Variants in AFF3 observed in about 807,000 individuals in gnomAD.
The protein encoded by AFF3 is ALF transcription elongation factor 3.
In AFF3, 32 loss-of-function variants were observed where a neutral mutation model predicts 129.7. The ratio of observed to expected loss-of-function variants is 0.25; its 90% CI spans 0.19 to 0.33. The LOEUF is 0.33. Among genes scored for constraint, AFF3 ranks in the 10% least tolerant of loss-of-function variants. The pLI, the probability that AFF3 is intolerant of heterozygous loss-of-function variation, is 1.00. For missense variants in AFF3, 1,373 were observed against 1,592.0 expected, an observed-to-expected ratio of 0.86 and a Z score of 2.34; for synonymous variants, 644 against 635.4, an observed-to-expected ratio of 1.01 and a Z score of -0.20.
At chr2:99,883,826 T>C (rs939185690) in intron 7 of AFF3, among the ~76,000 whole-genome samples, 2 of 151,932 alleles carry the variant, frequency 1.3e-5, no homozygotes, top group African/African-American at 2.4e-5. Flanking sequence ...ATTATTATTA[T>C]ACATTTCAGG....
chr2:99,642,447 T>A (rs1157981454), intron 13 of AFF3, among the ~76,000 whole-genome samples: 1 of 152,206 alleles, frequency 6.6e-6, no homozygotes, highest in Non-Finnish European at 1.5e-5. Context: ...ATCATCTACC[T>A]GTGATTCCTG....
At chr2:99,843,693 AACTC>A (rs1464035881) in intron 7 of AFF3, among the ~76,000 whole-genome samples, 4 of 152,332 alleles carry the variant, frequency 2.6e-5, no homozygotes, top group South Asian at 2.1e-4. Flanking sequence ...GAAAAACTGA[AACTC>A]ACTGTTATTT....
chr2:99,574,420 T>C (rs1401501375), intron 18 of AFF3, among the ~76,000 whole-genome samples: 1 of 152,188 alleles, frequency 6.6e-6, no homozygotes, highest in South Asian at 2.1e-4. Context: ...ACAGGCATTA[T>C]AGGGATTACA....
intron 7 of AFF3, among the ~76,000 whole-genome samples, chr2:99,997,855 C>T (rs530306747): frequency 1.6e-4 from 24 of 152,276 alleles, no homozygotes; most frequent in African/African-American, 3.9e-4. Flanking sequence ...AACTCTACCA[C>T]GTCCCAGCCT....
chr2:99,604,833 A>G (rs756446404), intron 13 of AFF3, among the ~76,000 whole-genome samples: 25 of 152,242 alleles, frequency 1.6e-4, no homozygotes, highest in Non-Finnish European at 5.9e-5. Context: ...GAAGATGAAT[A>G]AAGAACATTC....
intron 8 of AFF3, among the ~76,000 whole-genome samples, chr2:99,760,052 TAAAG>T (rs1267018976): frequency 1.3e-5 from 2 of 152,204 alleles, no homozygotes; most frequent in African/African-American, 4.8e-5. Flanking sequence ...CATACATATA[TAAAG>T]AAACTAGTAT....
chr2:99,975,868 G>GAAAAAAAAAAAAAAAA (rs5832890), intron 7 of AFF3, among the ~76,000 whole-genome samples: 4 of 74,580 alleles, frequency 5.4e-5, no homozygotes, highest in Non-Finnish European at 6.0e-5. Flanking sequence ...AGATTAAAAT[G>GAAAAAAAAAAAAAAAA]AAAAAAAAAA....
At chr2:99,699,981 G>A (rs1676683492) in intron 11 of AFF3, among the ~76,000 whole-genome samples, 1 of 152,200 alleles carries the variant, frequency 6.6e-6, no homozygotes, top group African/African-American at 2.4e-5. Context: ...TCCACCAAGG[G>A]TTCCTGCTCC....
chr2:99,888,082 G>C (rs1296403419), intron 7 of AFF3, among the ~76,000 whole-genome samples: 1 of 152,184 alleles, frequency 6.6e-6, no homozygotes, highest in African/African-American at 2.4e-5. Context: ...TGCATCAAAT[G>C]TCTTAGAAAT....
chr2:99,819,474 C>A (rs1687483292), intron 8 of AFF3, among the ~76,000 whole-genome samples: 1 of 152,138 alleles, frequency 6.6e-6, no homozygotes, highest in African/African-American at 2.4e-5. Context: ...ATAATAGCAG[C>A]TAACAGTCAT....
chr2:100,112,634 G>T, intron 2 of AFF3: 1 of 152,566 alleles, frequency 6.6e-6, no homozygotes, highest in South Asian at 2.1e-4. Context: ...AGGCTGCAGT[G>T]AGCTGTGATC....
At chr2:99,982,399 G>A (rs760203915) in intron 7 of AFF3, among the ~76,000 whole-genome samples, 21 of 152,112 alleles carry the variant, frequency 1.4e-4, no homozygotes, top group East Asian at 1.9e-4. Flanking sequence ...CTTGCCTTCC[G>A]CCATGATTGT....
intron 7 of AFF3, among the ~76,000 whole-genome samples, chr2:99,990,207 T>A (rs1680217027): frequency 6.6e-6 from 1 of 151,910 alleles, no homozygotes; most frequent in Non-Finnish European, 1.5e-5. Context: ...CGTTGGCCAC[T>A]ACTTAATTGA....
chr2:100,040,434 CA>C (rs1416085569), intron 4 of AFF3, among the ~76,000 whole-genome samples: 2 of 152,144 alleles, frequency 1.3e-5, no homozygotes, highest in African/African-American at 2.4e-5. Flanking sequence ...TCAAACATTC[CA>C]AATGTTCCTG....
At chr2:99,794,237 T>C (rs1192396368) in intron 8 of AFF3, among the ~76,000 whole-genome samples, 1 of 152,250 alleles carries the variant, frequency 6.6e-6, no homozygotes, top group Non-Finnish European at 1.5e-5. Flanking sequence ...GAATGGATGC[T>C]TAACATTTTG....
chr2:99,611,036 T>A (rs1014401309), intron 13 of AFF3, among the ~76,000 whole-genome samples: 2 of 152,234 alleles, frequency 1.3e-5, no homozygotes, highest in African/African-American at 4.8e-5. Context: ...TCTTGTTCCA[T>A]CTTCAAGTTC....
chr2:99,666,464 G>C (rs1686685267), intron 12 of AFF3, among the ~76,000 whole-genome samples: 1 of 151,934 alleles, frequency 6.6e-6, no homozygotes, highest in African/African-American at 2.4e-5. Context: ...AAAGGTTTAA[G>C]GAATACACAG....
At chr2:99,926,036 T>A (rs1049674636) in intron 7 of AFF3, among the ~76,000 whole-genome samples, 24 of 152,210 alleles carry the variant, frequency 1.6e-4, no homozygotes, top group Admixed American at 1.6e-3. Flanking sequence ...AATGCAATCA[T>A]CATTTAGCAA....
intron 15 of AFF3, 30 bp from the exon 16 acceptor site, chr2:99,587,308 C>T (rs1185247759): frequency 1.9e-6 from 3 of 1,612,972 alleles, no homozygotes; most frequent in Admixed American, 1.7e-5. Flanking sequence ...AGTCAATCAG[C>T]ACTGGATTTC....
Sources: allele counts gnomAD v4.1 joint callset (sites outside exome capture counted in the v4.1 genomes callset), GRCh38; gene constraint gnomAD v4.1.1; transcripts MANE v1.5; gene names NCBI Gene and HGNC (gene_info 2026-07-23, HGNC 2026-07-21).